Variants in RPIA observed in about 807,000 individuals in gnomAD.
The protein encoded by RPIA is ribose 5-phosphate isomerase A.
Under a neutral mutation model 37.8 loss-of-function variants are expected in RPIA, and 29 were observed. The ratio of observed to expected loss-of-function variants is 0.77; its 90% CI spans 0.57 to 1.05. The LOEUF (loss-of-function observed/expected upper bound fraction) is 1.05. RPIA is among the 50% of genes least tolerant of loss of function. The pLI is 0.00. For missense variants in RPIA, 385 were observed against 413.6 expected (o/e 0.93, Z 0.60); for synonymous variants, 167 against 157.0 (o/e 1.06, Z -0.48).
intron 3 of RPIA, among the ~76,000 whole-genome samples, chr2:88,717,643 C>T (rs1178180212): frequency 6.6e-6 from 1 of 152,026 alleles, no homozygotes; most frequent in Non-Finnish European, 1.5e-5. Context: ...GATTTTGGGG[C>T]CCCAAGATTT....
intron 1 of RPIA, among the ~76,000 whole-genome samples, chr2:88,696,550 T>C (rs1379113994): frequency 2.6e-5 from 4 of 151,874 alleles, no homozygotes; most frequent in African/African-American, 9.7e-5. Context: ...ACAAGATATA[T>C]TGTATATCTT....
intron 8 of RPIA, among the ~76,000 whole-genome samples, chr2:88,745,045 C>T (rs1456963344): frequency 6.6e-6 from 1 of 152,172 alleles, no homozygotes; most frequent in East Asian, 1.9e-4. Flanking sequence ...GCAACCTTCA[C>T]CTCTCAGGTT....
At chr2:88,725,047 T>G (rs1673178938) in intron 3 of RPIA, among the ~76,000 whole-genome samples, 1 of 152,264 alleles carries the variant, frequency 6.6e-6, no homozygotes, top group African/African-American at 2.4e-5. Context: ...GCTGTGGGGT[T>G]TGCTTCTTGC....
At position 88,738,077 on chromosome 2, in the gene RPIA, G is replaced by C; in HGVS notation, c.838+1G>C. 1 of 1,608,560 alleles carries C rather than the reference G, an allele frequency of 6.2e-7. No homozygotes were observed. The highest frequency in any genetic ancestry group is 2.2e-5 in the East Asian group (1 of 44,858). On this transcript the variant is annotated splice_donor_variant, in intron 8 of 8. Coordinates refer to ENST00000283646, the MANE Select transcript of RPIA (RefSeq NM_144563.3). LOFTEE classifies it high-confidence loss of function. ...AATACAGCTATCAAAATGATCCCAG[G>C]TAACATGAGTGGTGTTCACCAGTCA...
chr2:88,725,539 A>G (rs1474062642), intron 3 of RPIA, among the ~76,000 whole-genome samples: 1 of 151,976 alleles, frequency 6.6e-6, no homozygotes, highest in East Asian at 1.9e-4. Context: ...CTCTGCCTGC[A>G]TGTTCACATG....
intron 3 of RPIA, among the ~76,000 whole-genome samples, chr2:88,702,490 CGTGG>C (rs1672844371): frequency 7.5e-6 from 1 of 133,846 alleles, no homozygotes; most frequent in Non-Finnish European, 1.6e-5. Context: ...TCTCGTTTTA[CGTGG>C]ATGGCAGCAG....
At position 88,698,547 on chromosome 2, in the gene RPIA, A is replaced by C; in HGVS notation, c.346+3A>C. 6.2e-7 allele frequency: 1 copy of C among 1,612,860 alleles called. No individual in the cohort carries two copies. The highest frequency in any genetic ancestry group is 1.1e-5 in the South Asian group (1 of 91,056). Reference sequence around the variant, plus strand: ...TGTCCATGCTGTGCAGCGAATAGGTATGCTCTCTCACTGTCTACTGGATGT... The same window carrying C: ...TGTCCATGCTGTGCAGCGAATAGGTCTGCTCTCTCACTGTCTACTGGATGT... On this transcript the variant is annotated splice_donor_region_variant and intron_variant, in intron 2 of 8. Transcript: ENST00000283646.
At chr2:88,729,467 C>G in intron 4 of RPIA, 130 bp downstream of exon 4, 1 of 920,948 alleles carries the variant, frequency 1.1e-6, no homozygotes, top group Non-Finnish European at 1.7e-6. Context: ...CAAGTTTTCT[C>G]CTGGGACCTT....
At chr2:88,738,216 G>T in intron 8 of RPIA, 140 bp downstream of exon 8, 1 of 705,296 alleles carries the variant, frequency 1.4e-6, no homozygotes, top group Non-Finnish European at 2.6e-6. Context: ...TACCATGTTT[G>T]GGTTTTTAAC....
At chr2:88,728,436 A>C (rs1174131668) in intron 3 of RPIA, among the ~76,000 whole-genome samples, 4 of 152,300 alleles carry the variant, frequency 2.6e-5, no homozygotes, top group African/African-American at 9.6e-5. Context: ...CTGATTCTTA[A>C]TCTCAGGTGC....
intron 8 of RPIA, among the ~76,000 whole-genome samples, chr2:88,744,754 C>G (rs972379346): frequency 6.6e-6 from 1 of 152,100 alleles, no homozygotes; most frequent in Non-Finnish European, 1.5e-5. Context: ...TAATGTTCCT[C>G]TTTGTCTTTT....
chr2:88,702,190 T>A (rs940547373), intron 3 of RPIA, among the ~76,000 whole-genome samples: 1 of 152,244 alleles, frequency 6.6e-6, no homozygotes, highest in Admixed American at 6.5e-5. Context: ...TCAAAAGTAT[T>A]ACTTCATCGT....
At chr2:88,711,134 G>T (rs906445701) in intron 3 of RPIA, among the ~76,000 whole-genome samples, 1 of 152,216 alleles carries the variant, frequency 6.6e-6, no homozygotes, top group South Asian at 2.1e-4. Flanking sequence ...GTCCGGGCTG[G>T]TGGGCGCAAG....
At chr2:88,705,989 A>G (rs563968155) in intron 3 of RPIA, among the ~76,000 whole-genome samples, 17 of 152,358 alleles carry the variant, frequency 1.1e-4, no homozygotes, top group African/African-American at 4.1e-4. Flanking sequence ...AGAAATGCAA[A>G]TCAAAAGTGC....
At chr2:88,740,775 C>T (rs184604509) in intron 8 of RPIA, among the ~76,000 whole-genome samples, 1 of 152,348 alleles carries the variant, frequency 6.6e-6, no homozygotes, top group East Asian at 1.9e-4. Flanking sequence ...CCTTAGACTG[C>T]TGCCCATTCA....
At chr2:88,708,506 G>A (rs535097560) in intron 3 of RPIA, among the ~76,000 whole-genome samples, 31 of 152,296 alleles carry the variant, frequency 2.0e-4, no homozygotes, top group South Asian at 6.2e-4. Context: ...GGAGTACACC[G>A]TAAAAAGAAT....
intron 8 of RPIA, among the ~76,000 whole-genome samples, chr2:88,743,053 G>A (rs1486221735): frequency 1.3e-5 from 2 of 151,954 alleles, no homozygotes; most frequent in African/African-American, 4.8e-5. Flanking sequence ...GATTGCTCTG[G>A]CTAGGGCTTC....
At position 88,691,838 on chromosome 2, in the gene RPIA, C is replaced by G. The variant is rs749893971; in HGVS notation, c.140C>G (p.Ala47Gly). The G allele has an allele frequency of 1.9e-6, 3 of 1,599,244 alleles. No homozygotes were observed. Among genetic ancestry groups the G allele is most frequent in the Non-Finnish European group, 2.6e-6 (3 of 1,174,496 alleles). The change falls in exon 1 of 9, where the codon GCA becomes GGA. Residue 47 changes from alanine to glycine, a missense_variant. Coordinates refer to ENST00000283646, the MANE Select transcript of RPIA (RefSeq NM_144563.3). ...TCCCACGTGCGGCTGCCGGGGCGTG[C>G]ACAGTCTGGGACCCGTGGCGGTGCT... is the stretch of plus-strand genomic sequence containing the variant. ...PGSHVRLPGR[A>G]QSGTRGGAGN...
chr2:88,692,123 A>G (rs1326994019), intron 1 of RPIA, 140 bp downstream of exon 1: 1 of 1,094,164 alleles, frequency 9.1e-7, no homozygotes, highest in Non-Finnish European at 1.3e-6. Flanking sequence ...TGTGCACTTT[A>G]CCCGAGTTTA....
Sources: allele counts gnomAD v4.1 joint callset (sites outside exome capture counted in the v4.1 genomes callset), GRCh38; gene constraint gnomAD v4.1.1; transcripts MANE v1.5; gene names NCBI Gene and HGNC (gene_info 2026-07-23, HGNC 2026-07-21).